PTPRD: variants seen among roughly 807,000 people sequenced by gnomAD.
PTPRD encodes protein tyrosine phosphatase receptor type D.
A neutral mutation model predicts 214.5 loss-of-function variants in PTPRD; 34 were observed. The observed-to-expected ratio is 0.16, with a 90% CI of 0.12 to 0.21. The LOEUF (loss-of-function observed/expected upper bound fraction) is 0.21, where lower values mean the gene tolerates loss of function less well. Among genes scored for constraint, PTPRD ranks in the 10% least tolerant of loss-of-function variants. The pLI is 1.00. For missense variants in PTPRD, 2,545 were observed against 2,398.7 expected (o/e 1.06, Z -1.27); for synonymous variants, 1,128 against 845.7 (o/e 1.33, Z -5.79).
intron 11 of PTPRD, among the ~76,000 whole-genome samples, chr9:8,765,117 CA>C (rs1450559669): frequency 6.6e-6 from 1 of 152,066 alleles, no homozygotes; most frequent in Non-Finnish European, 1.5e-5. Context: ...GCAGAAAGTA[CA>C]AATTTTGCAA....
At chr9:8,662,257 G>A (rs928594380) in intron 12 of PTPRD, among the ~76,000 whole-genome samples, 12 of 151,998 alleles carry the variant, frequency 7.9e-5, no homozygotes, top group African/African-American at 2.9e-4. Flanking sequence ...GATCAAAATC[G>A]GTCCCTACAT....
At chr9:9,171,521 G>C (rs955349978) in intron 10 of PTPRD, among the ~76,000 whole-genome samples, 19 of 151,782 alleles carry the variant, frequency 1.3e-4, no homozygotes, top group Admixed American at 1.1e-3. Flanking sequence ...TGAAAGCATT[G>C]ACATCAAATA....
At position 8,652,656 on chromosome 9, in the gene PTPRD, G is replaced by C. The variant is rs907743463; in HGVS notation, c.65-15812C>G. 6.6e-5 allele frequency among the ~76,000 whole-genome samples: 10 copies of C among 152,242 alleles called. No homozygotes were observed. In the South Asian group the frequency reaches 1.5e-3, roughly 22 times the overall value. ...GTTATAAATACTAGGGATTCCACTTGTATAATAACATTGGCCTTTTTGCAC... is the reference window on the plus strand; with the variant it reads ...GTTATAAATACTAGGGATTCCACTTCTATAATAACATTGGCCTTTTTGCAC... On this transcript the variant is annotated intron_variant, in intron 12 of 45. Coordinates refer to ENST00000381196, the MANE Select transcript of PTPRD (RefSeq NM_002839.4).
At chr9:9,671,971 G>A (rs1383787848) in intron 7 of PTPRD, among the ~76,000 whole-genome samples, 1 of 152,170 alleles carries the variant, frequency 6.6e-6, no homozygotes, top group Non-Finnish European at 1.5e-5. Flanking sequence ...GATGTGATGA[G>A]AAGAATAAAA....
intron 11 of PTPRD, among the ~76,000 whole-genome samples, chr9:8,818,845 G>A (rs2096978882): frequency 6.6e-6 from 1 of 152,126 alleles, no homozygotes; most frequent in Non-Finnish European, 1.5e-5. Context: ...CATAAATTCA[G>A]CCATTCTGAA....
Position 9,677,578 on chromosome 9 carries a change from AAG to A in PTPRD, c.-287+56953_-287+56954del, listed in dbSNP as rs2096961195. On this transcript the variant is annotated intron_variant, in intron 7 of 45. Coordinates refer to ENST00000381196, the MANE Select transcript of PTPRD (RefSeq NM_002839.4). ...TTGATGGGACGTATCTCAAAATAAT[AAG>A]AGCTATCTATGACAAACCCACAGCC... 3.3e-5 allele frequency among the ~76,000 whole-genome samples: 5 copies of A among 152,218 alleles called. No homozygotes were observed. In the South Asian group the frequency reaches 8.3e-4, roughly 25 times the overall value.
chr9:9,221,525 C>A (rs931070409), intron 9 of PTPRD, among the ~76,000 whole-genome samples: 1 of 152,020 alleles, frequency 6.6e-6, no homozygotes, highest in South Asian at 2.1e-4. Flanking sequence ...CTGATTAGAT[C>A]TCTGGAGAGG....
intron 35 of PTPRD, among the ~76,000 whole-genome samples, chr9:8,405,393 G>C (rs1336592698): frequency 6.7e-6 from 1 of 150,148 alleles, no homozygotes; most frequent in African/African-American, 2.4e-5. Flanking sequence ...TTTAACATTA[G>C]TTTTTTTTTC....
At position 10,426,248 on chromosome 9, in the gene PTPRD, A is replaced by G. The variant is rs561162746; in HGVS notation, c.-599-85231T>C. On this transcript the variant is annotated intron_variant, in intron 2 of 45. Coordinates refer to ENST00000381196, the MANE Select transcript of PTPRD (RefSeq NM_002839.4). ...AATTCAACTTTGTTAATGGGTGCCA[A>G]ATTAAACCCTAAGTTTAAGTTAATC... 2.0e-5 allele frequency among the ~76,000 whole-genome samples: 3 copies of G among 152,124 alleles called. No homozygotes were observed. In the South Asian group the frequency reaches 6.2e-4, roughly 31 times the overall value.
At chr9:10,117,915 G>A (rs2098743927) in intron 3 of PTPRD, among the ~76,000 whole-genome samples, 1 of 151,900 alleles carries the variant, frequency 6.6e-6, no homozygotes, top group Non-Finnish European at 1.5e-5. Flanking sequence ...TCTTCTAATT[G>A]ATTTTAAGGA....
At chr9:9,180,345 G>A (rs1295859425) in intron 10 of PTPRD, among the ~76,000 whole-genome samples, 4 of 150,720 alleles carry the variant, frequency 2.7e-5, no homozygotes, top group South Asian at 2.1e-4. Context: ...ACTATCGCAA[G>A]GACAAAAAAC....
chr9:9,512,896 C>T (rs571138556), intron 8 of PTPRD, among the ~76,000 whole-genome samples: 2 of 150,764 alleles, frequency 1.3e-5, no homozygotes, highest in Non-Finnish European at 3.0e-5. Context: ...ATAATAATCA[C>T]GAGTAATCAT....
intron 10 of PTPRD, among the ~76,000 whole-genome samples, chr9:9,029,350 G>A (rs140070801): frequency 6.6e-6 from 1 of 151,796 alleles, no homozygotes; most frequent in African/African-American, 2.4e-5. Context: ...GTGCTGATTG[G>A]TTAGGAGGGG....
intron 9 of PTPRD, among the ~76,000 whole-genome samples, chr9:9,352,327 A>ATGTGTGTG (rs1055505531): frequency 1.5e-5 from 1 of 68,382 alleles, no homozygotes; most frequent in African/African-American, 4.4e-5. Context: ...ATATATATAT[A>ATGTGTGTG]TGTGTGTGTG....
At chr9:8,438,751 G>A (rs2095441963) in intron 34 of PTPRD, 1 of 152,140 alleles carries the variant, frequency 6.6e-6, no homozygotes, top group Non-Finnish European at 1.5e-5. Flanking sequence ...GGACTGAGTG[G>A]TGGTTTGGCT....
At chr9:8,696,868 TGCC>T (rs1392630852) in intron 12 of PTPRD, among the ~76,000 whole-genome samples, 1 of 152,232 alleles carries the variant, frequency 6.6e-6, no homozygotes, top group African/African-American at 2.4e-5. Flanking sequence ...TTAGTATTCC[TGCC>T]AGAATTGTCG....
intron 5 of PTPRD, among the ~76,000 whole-genome samples, chr9:9,921,683 T>A (rs1315772646): frequency 6.6e-6 from 1 of 150,808 alleles, no homozygotes; most frequent in Non-Finnish European, 1.5e-5. Flanking sequence ...TAGGTATCAA[T>A]CTCTTTTCCT....
At chr9:9,255,148 C>G (rs1327445676) in intron 9 of PTPRD, among the ~76,000 whole-genome samples, 2 of 152,168 alleles carry the variant, frequency 1.3e-5, no homozygotes, top group Non-Finnish European at 2.9e-5. Context: ...AGAAGAAAAA[C>G]AATGAACATC....
intron 10 of PTPRD, among the ~76,000 whole-genome samples, chr9:9,092,270 T>C (rs1408709853): frequency 6.6e-6 from 1 of 152,170 alleles, no homozygotes; most frequent in African/African-American, 2.4e-5. Context: ...GACACAGATA[T>C]TGAATAGGTG....
Sources: allele counts gnomAD v4.1 joint callset (sites outside exome capture counted in the v4.1 genomes callset), GRCh38; gene constraint gnomAD v4.1.1; transcripts MANE v1.5; gene names NCBI Gene and HGNC (gene_info 2026-07-23, HGNC 2026-07-21).